Variants in SLC25A21 observed in about 807,000 individuals in gnomAD.
SLC25A21 encodes the protein mitochondrial 2-oxodicarboxylate carrier.
SLC25A21 carries 47 observed loss-of-function variants against 43.8 expected under a neutral mutation model. The ratio of observed to expected loss-of-function variants is 1.07; its 90% confidence interval spans 0.85 to 1.37. The LOEUF is 1.37. Ranked by LOEUF, SLC25A21 falls within the 40% of genes most tolerant of loss-of-function variation. The probability of loss-of-function intolerance (pLI) is 0.00; values close to 1 mark genes in which losing one functional copy is unlikely to be tolerated. For missense variants in SLC25A21, 352 were observed against 350.2 expected (o/e 1.00, Z -0.04); for synonymous variants, 131 against 121.3 (o/e 1.08, Z -0.52).
chr14:36,722,750 G>T (rs1355598212), intron 6 of SLC25A21, among the ~76,000 whole-genome samples: 1 of 152,030 alleles, frequency 6.6e-6, no homozygotes, highest in Non-Finnish European at 1.5e-5. Flanking sequence ...ATCATTTTTA[G>T]TGCACTTATA....
At chr14:37,081,610 C>A (rs1962390347) in intron 1 of SLC25A21, among the ~76,000 whole-genome samples, 1 of 152,268 alleles carries the variant, frequency 6.6e-6, no homozygotes, top group Non-Finnish European at 1.5e-5. Flanking sequence ...TTATTAAGCC[C>A]AAAACCATTA....
At chr14:36,750,423 C>G (rs753033715) in intron 3 of SLC25A21, among the ~76,000 whole-genome samples, 3 of 152,162 alleles carry the variant, frequency 2.0e-5, no homozygotes, top group Non-Finnish European at 4.4e-5. Context: ...GAACCTAATC[C>G]TAATGTTCAC....
Position 36,823,740 on chromosome 14 carries a change from T to C in SLC25A21, c.120-9739A>G, listed in dbSNP as rs553255017. On this transcript the variant is annotated intron_variant, in intron 2 of 9. Transcript: ENST00000331299. The stretch of plus-strand genomic sequence containing the variant: ...TTCCAAGTAATTACGGTTTTAAAAA[T>C]TTGACGCCCCAACCCAAAAAAGTTA... Among the ~76,000 whole-genome samples the C allele has an allele frequency of 3.9e-5, 6 of 152,292 alleles. No individual in the cohort carries two copies. In the South Asian group the frequency reaches 1.2e-3, roughly 32 times the overall value.
intron 1 of SLC25A21, among the ~76,000 whole-genome samples, chr14:36,897,815 C>T (rs1334311890): frequency 2.0e-5 from 3 of 152,194 alleles, no homozygotes; most frequent in Non-Finnish European, 4.4e-5. Context: ...ACACTGTTTG[C>T]CTGGGTATCA....
intron 3 of SLC25A21, among the ~76,000 whole-genome samples, chr14:36,813,516 C>T (rs1162270738): frequency 6.6e-6 from 1 of 152,088 alleles, no homozygotes; most frequent in Non-Finnish European, 1.5e-5. Flanking sequence ...TGAGTCACTG[C>T]TCCCAGCCTT....
At chr14:36,739,866 A>G (rs8006116) in intron 3 of SLC25A21, among the ~76,000 whole-genome samples, 112,190 of 152,010 alleles carry the variant, frequency 0.74, 42,754 homozygotes, top group African/African-American at 0.94. Flanking sequence ...AATTGTTCAA[A>G]CCCATCATGG....
At chr14:37,093,058 C>T (rs945891838) in intron 1 of SLC25A21, among the ~76,000 whole-genome samples, 6 of 152,012 alleles carry the variant, frequency 3.9e-5, no homozygotes, top group Non-Finnish European at 1.5e-5. Context: ...ATATTGAATT[C>T]AATTCAAGGG....
At chr14:36,729,070 C>T (rs17105132) in intron 5 of SLC25A21, among the ~76,000 whole-genome samples, 2,878 of 152,280 alleles carry the variant, frequency 0.019, 97 homozygotes, top group African/African-American at 0.065. Context: ...CTTCAGTCTG[C>T]ATCTGACCAC....
intron 1 of SLC25A21, among the ~76,000 whole-genome samples, chr14:36,959,362 C>T (rs17105773): frequency 0.37 from 56,197 of 152,050 alleles, 10,582 homozygotes; most frequent in South Asian, 0.47. Flanking sequence ...TTTCTAAAAA[C>T]AAACCCCAGG....
intron 3 of SLC25A21, among the ~76,000 whole-genome samples, chr14:36,774,015 G>GA (rs995716260): frequency 2.6e-5 from 4 of 152,314 alleles, no homozygotes; most frequent in Admixed American, 2.6e-4. Flanking sequence ...CTGCTGAGCA[G>GA]ATGAGAGGAA....
At chr14:37,091,887 G>A (rs1431018355) in intron 1 of SLC25A21, among the ~76,000 whole-genome samples, 1 of 152,140 alleles carries the variant, frequency 6.6e-6, no homozygotes, top group East Asian at 1.9e-4. Flanking sequence ...TAGTACTTTG[G>A]GAGGCCAAGG....
At chr14:36,871,154 C>A (rs759670929) in intron 2 of SLC25A21, among the ~76,000 whole-genome samples, 1 of 151,600 alleles carries the variant, frequency 6.6e-6, no homozygotes, top group Non-Finnish European at 1.5e-5. Flanking sequence ...TGAAATCCAA[C>A]CCCGCAAGGT....
At chr14:36,709,954 G>C (rs111648102) in intron 7 of SLC25A21, among the ~76,000 whole-genome samples, 1 of 152,116 alleles carries the variant, frequency 6.6e-6, no homozygotes, top group Admixed American at 6.6e-5. Context: ...CAAGCAATTT[G>C]ATGGTAGGGA....
chr14:37,055,091 C>T (rs1444150119), intron 1 of SLC25A21, among the ~76,000 whole-genome samples: 3 of 152,178 alleles, frequency 2.0e-5, no homozygotes, highest in African/African-American at 4.8e-5. Context: ...AAATCTTATA[C>T]CCTTGTCATC....
intron 1 of SLC25A21, among the ~76,000 whole-genome samples, chr14:36,950,062 A>G (rs999782112): frequency 1.3e-5 from 2 of 152,220 alleles, no homozygotes; most frequent in East Asian, 3.8e-4. Flanking sequence ...CTATTTAAAT[A>G]CTGTAAATGC....
At chr14:36,840,892 T>C (rs982282614) in intron 2 of SLC25A21, among the ~76,000 whole-genome samples, 1 of 152,248 alleles carries the variant, frequency 6.6e-6, no homozygotes, top group Non-Finnish European at 1.5e-5. Flanking sequence ...AGGGTTTTAA[T>C]GCTGGTTCTA....
intron 1 of SLC25A21, among the ~76,000 whole-genome samples, chr14:36,979,532 T>A (rs1267836520): frequency 6.6e-6 from 1 of 152,094 alleles, no homozygotes. Flanking sequence ...ATTTTTGTAT[T>A]TTTAGTAGAG....
intron 1 of SLC25A21, among the ~76,000 whole-genome samples, chr14:37,162,279 T>C (rs1365604500): frequency 6.6e-6 from 1 of 152,210 alleles, no homozygotes. Context: ...TTAGATCCGA[T>C]TTGTCAATTT....
At chr14:37,059,936 C>G (rs1213372248) in intron 1 of SLC25A21, among the ~76,000 whole-genome samples, 1 of 152,098 alleles carries the variant, frequency 6.6e-6, no homozygotes, top group African/African-American at 2.4e-5. Flanking sequence ...CACTAAGGAG[C>G]TAAGGCAGCA....
Sources: gnomAD v4.1 joint callset for allele counts (sites outside exome capture counted in the v4.1 genomes callset) on GRCh38, gnomAD v4.1.1 for gene constraint, MANE v1.5 for transcripts, NCBI Gene and HGNC (gene_info 2026-07-23, HGNC 2026-07-21) for gene names.